The following BCAS3 variants were observed in gnomAD, a reference collection of about 807,000 sequenced individuals.
The protein encoded by BCAS3 is BCAS4/BCAS3 fusion.
In BCAS3, 53 loss-of-function variants were observed where a neutral mutation model predicts 116.1. The ratio of observed to expected loss-of-function variants is 0.46; its 90% CI spans 0.37 to 0.57. The LOEUF (loss-of-function observed/expected upper bound fraction) is 0.57, where lower values mean the gene tolerates loss of function less well. BCAS3 is among the 20% of genes least tolerant of loss of function. The pLI is 0.00. For synonymous variants in BCAS3, 391 were observed against 408.2 expected (o/e 0.96, Z 0.51); for missense variants, 917 against 1,165.4 (o/e 0.79, Z 3.10).
chr17:60,775,746 A>C (rs1463619503), intron 6 of BCAS3, among the ~76,000 whole-genome samples: 1 of 152,244 alleles, frequency 6.6e-6, no homozygotes, highest in Non-Finnish European at 1.5e-5. Context: ...ATCCGCACAA[A>C]TTATAGGATA....
intron 2 of BCAS3, among the ~76,000 whole-genome samples, chr17:60,681,094 A>G (rs2033020631): frequency 6.6e-6 from 1 of 152,130 alleles, no homozygotes; most frequent in Non-Finnish European, 1.5e-5. Context: ...AGCCTTAGCT[A>G]CTCGGGAGGC....
chr17:60,923,427 T>TTA (rs1038357424), intron 12 of BCAS3, among the ~76,000 whole-genome samples: 2 of 152,214 alleles, frequency 1.3e-5, no homozygotes, highest in Non-Finnish European at 2.9e-5. Flanking sequence ...TTGTAACTGA[T>TTA]AAAATAACTG....
At chr17:61,086,214 G>C (rs368544928) in intron 22 of BCAS3, among the ~76,000 whole-genome samples, 2 of 152,090 alleles carry the variant, frequency 1.3e-5, no homozygotes, top group African/African-American at 4.8e-5. Flanking sequence ...TCGGCTTCCC[G>C]AGTAGCTGAG....
rs1159866673 is a variant in BCAS3, at chr17:60,962,846, T to C, written c.1221+15494T>C. Among the ~76,000 whole-genome samples, 1 of 152,200 alleles carries C rather than the reference T, an allele frequency of 6.6e-6. No individual in the cohort carries two copies. The highest frequency in any genetic ancestry group is 2.4e-5 in the African/African-American group (1 of 41,452). ...ATGTCCTGGACTGTTTCTCCAAAGTTTTCTTTTAGTGGTTTCATAGTTTGA... is the reference window on the plus strand; with the variant it reads ...ATGTCCTGGACTGTTTCTCCAAAGTCTTCTTTTAGTGGTTTCATAGTTTGA... On this transcript the variant is annotated intron_variant, in intron 14 of 23. Transcript: ENST00000407086. This position sits in a 1 kb window ranked among gnomAD's most constrained non-coding sequence, Gnocchi z 4.4.
At chr17:60,813,371 T>C (rs1006827446) in intron 7 of BCAS3, among the ~76,000 whole-genome samples, 2 of 152,158 alleles carry the variant, frequency 1.3e-5, no homozygotes, top group Non-Finnish European at 2.9e-5. Context: ...TACCTAGGAC[T>C]ACAGGTGTAT....
rs1261746968 is a variant in BCAS3 at position 61,327,510 on chromosome 17, A to AT, written c.2426-40804dup. Among the ~76,000 whole-genome samples, 552 of 145,474 alleles carry AT rather than the reference A, an allele frequency of 3.8e-3. 3 individuals are homozygous for AT. The highest frequency in any genetic ancestry group is 0.011 in the African/African-American group (447 of 39,982). On this transcript the variant is annotated intron_variant, in intron 22 of 23. Coordinates refer to ENST00000407086, the MANE Select transcript of BCAS3 (RefSeq NM_017679.5). The surrounding 1 kb of genome is among the most constrained non-coding windows in gnomAD (Gnocchi z 5.9). ...GGGAGCAAATAGAAAATGAAGCAAAATTTTTTTTTTTTTAGACAGAGTCTC... is the reference window on the plus strand; with the variant it reads ...GGGAGCAAATAGAAAATGAAGCAAAATTTTTTTTTTTTTTAGACAGAGTCTC...
At chr17:61,294,091 T>A (rs78401111) in intron 22 of BCAS3, among the ~76,000 whole-genome samples, 1,845 of 152,298 alleles carry the variant, frequency 0.012, 71 homozygotes, top group Admixed American at 0.076. Flanking sequence ...GTATCTCTAG[T>A]TAAATAGTTA....
At chr17:60,999,666 G>GT (rs776159830) in intron 15 of BCAS3, among the ~76,000 whole-genome samples, 1 of 151,972 alleles carries the variant, frequency 6.6e-6, no homozygotes, top group South Asian at 2.1e-4. Context: ...TTTTAGAATA[G>GT]TTTTTTCTAA....
intron 17 of BCAS3, among the ~76,000 whole-genome samples, chr17:61,036,935 G>A (rs558007167): frequency 4.6e-5 from 7 of 152,214 alleles, no homozygotes; most frequent in Admixed American, 6.5e-5. Flanking sequence ...GGAGCTTTAG[G>A]TTCACAGCCA....
intron 6 of BCAS3, among the ~76,000 whole-genome samples, chr17:60,770,041 G>A (rs956973611): frequency 7.2e-5 from 11 of 152,054 alleles, no homozygotes; most frequent in African/African-American, 2.7e-4. Context: ...CCAAAGTGCT[G>A]GGATTATAGG....
intron 5 of BCAS3, among the ~76,000 whole-genome samples, chr17:60,735,017 T>C (rs560739972): frequency 6.6e-6 from 1 of 152,342 alleles, no homozygotes; most frequent in East Asian, 1.9e-4. Flanking sequence ...TTTTATAGTT[T>C]TCCTCATATA....
At chr17:61,223,380 A>G (rs549604773) in intron 22 of BCAS3, among the ~76,000 whole-genome samples, 1 of 152,172 alleles carries the variant, frequency 6.6e-6, no homozygotes, top group African/African-American at 2.4e-5. Context: ...GCTGGTCTCA[A>G]ACTCCTGACC....
intron 10 of BCAS3, among the ~76,000 whole-genome samples, chr17:60,891,226 G>C (rs763533285): frequency 6.6e-6 from 1 of 152,172 alleles, no homozygotes; most frequent in Non-Finnish European, 1.5e-5. Context: ...TGTATAAATT[G>C]TCCCTTGGTT....
At position 60,844,118 on chromosome 17, in the gene BCAS3, C is replaced by T. The variant is rs142190569; in HGVS notation, c.477-24458C>T. 4.0e-3 allele frequency among the ~76,000 whole-genome samples: 610 copies of T among 152,206 alleles called. 3 individuals are homozygous for T. The highest frequency in any genetic ancestry group is 5.6e-3 in the African/African-American group (233 of 41,532). ...CCGAGTAGCTGGGATTATAGGCATG[C>T]GCCACCACACCCAGCTAATTTTGTT... On this transcript the variant is annotated intron_variant, in intron 7 of 23. Transcript: ENST00000407086.
At chr17:61,254,137 T>C (rs1485595433) in intron 22 of BCAS3, among the ~76,000 whole-genome samples, 1 of 152,130 alleles carries the variant, frequency 6.6e-6, no homozygotes, top group Non-Finnish European at 1.5e-5. Context: ...CCTCCTTCCT[T>C]AGGTATTATT....
chr17:61,176,004 A>G (rs935728720), intron 22 of BCAS3, among the ~76,000 whole-genome samples: 4 of 151,786 alleles, frequency 2.6e-5, no homozygotes, highest in African/African-American at 4.8e-5. Context: ...TGGGTGTGGC[A>G]GTATGTGCCT....
At chr17:60,698,555 A>C (rs1427294349) in intron 4 of BCAS3, among the ~76,000 whole-genome samples, 2 of 152,202 alleles carry the variant, frequency 1.3e-5, no homozygotes, top group Non-Finnish European at 2.9e-5. Flanking sequence ...GTGAAATCTA[A>C]AATAAGAAAA....
Position 61,376,871 on chromosome 17 carries a change from T to C in BCAS3, c.2593+8377T>C, listed in dbSNP as rs1250760766. ...CTACAAAAGTTCTCTCAGTGTCTTC[T>C]CTTAATGACCTCATCAGTGGCCCAA... On this transcript the variant is annotated intron_variant, in intron 23 of 23. Transcript: ENST00000407086. The surrounding 1 kb of genome is among the most constrained non-coding windows in gnomAD (Gnocchi z 4.5). Among the ~76,000 whole-genome samples the C allele has an allele frequency of 6.6e-6, 1 of 152,228 alleles. No homozygotes were observed. The highest frequency in any genetic ancestry group is 1.5e-5 in the Non-Finnish European group (1 of 68,028).
At position 60,759,628 on chromosome 17, in the gene BCAS3, TTC is replaced by T. The variant is rs1327477864; in HGVS notation, c.403+12351_403+12352del. ...GACTCCTTTATCATTACATAGTGACTTCTTTTTTTTTTTTTTTTTACTGTTTT... is the reference window on the plus strand; with the variant it reads ...GACTCCTTTATCATTACATAGTGACTTTTTTTTTTTTTTTTTTACTGTTTT... On this transcript the variant is annotated intron_variant, in intron 6 of 23. Coordinates refer to ENST00000407086, the MANE Select transcript of BCAS3 (RefSeq NM_017679.5). 3.5e-3 allele frequency among the ~76,000 whole-genome samples: 88 copies of T among 25,236 alleles called. 1 individual carries two copies. Among genetic ancestry groups the T allele is most frequent in the Middle Eastern group, 0.062 (1 of 16 alleles). The allele number at this position is 25,236 out of a possible 152,430, so 16.6% of individuals were successfully genotyped here. A position where few individuals can be genotyped will look rare whatever the true frequency, so the allele number is the denominator to read the frequency against.
Sources: allele counts gnomAD v4.1 joint callset (sites outside exome capture counted in the v4.1 genomes callset), GRCh38; gene constraint gnomAD v4.1.1; non-coding constraint Gnocchi (gnomAD v3.1); transcripts MANE v1.5; gene names NCBI Gene and HGNC (gene_info 2026-07-23, HGNC 2026-07-21).